The following TMEM132D variants were observed in gnomAD, a reference collection of about 807,000 sequenced individuals.
TMEM132D encodes mature OL transmembrane protein.
Under a neutral mutation model 62.3 loss-of-function variants are expected in TMEM132D, and 21 were observed. The ratio of observed to expected loss-of-function variants is 0.34; its 90% CI spans 0.24 to 0.49. TMEM132D has a LOEUF of 0.49. TMEM132D is among the 20% of genes least tolerant of loss of function. TMEM132D has a pLI of 0.99. For missense variants in TMEM132D, 1,346 were observed against 1,402.8 expected, an observed-to-expected ratio of 0.96 and a Z score of 0.65; for synonymous variants, 621 against 575.6, an observed-to-expected ratio of 1.08 and a Z score of -1.13.
At chr12:129,474,493 A>T (rs144382558) in intron 3 of TMEM132D, among the ~76,000 whole-genome samples, 1,749 of 152,332 alleles carry the variant, frequency 0.011, 42 homozygotes, top group African/African-American at 0.041. Flanking sequence ...GGAAGTTCAC[A>T]ACATCGCAGT....
At chr12:129,839,116 A>ACTTTT (rs1224483461) in intron 1 of TMEM132D, among the ~76,000 whole-genome samples, 1 of 6,450 alleles carries the variant, frequency 1.6e-4, no homozygotes, top group Non-Finnish European at 3.7e-4. Context: ...ACGCCTGGCT[A>ACTTTT]ATTTTTTTTT....
chr12:129,874,561 G>T (rs1593194956), intron 1 of TMEM132D, among the ~76,000 whole-genome samples: 3 of 136,008 alleles, frequency 2.2e-5, no homozygotes, highest in South Asian at 2.7e-4. Flanking sequence ...ACATAATTTT[G>T]TTTGTCAATT....
chr12:129,502,490 C>G (rs1276945804), intron 3 of TMEM132D, among the ~76,000 whole-genome samples: 3 of 152,080 alleles, frequency 2.0e-5, no homozygotes, highest in Admixed American at 6.6e-5. Context: ...ATTATTGACT[C>G]ATGTACATGA....
chr12:129,328,962 C>A (rs1204590651), intron 4 of TMEM132D, among the ~76,000 whole-genome samples: 3 of 148,506 alleles, frequency 2.0e-5, no homozygotes, highest in Non-Finnish European at 4.5e-5. Context: ...AAATTAAATT[C>A]TTTATATATA....
At position 129,700,060 on chromosome 12, in the gene TMEM132D, C is replaced by T. The variant is rs1313552966; in HGVS notation, c.718G>A (p.Val240Ile). ...VHPGGERGDC[V>I]REDARRSNGI... is the part of the protein sequence containing the mutation. ...TTGCTTCTCCTCGCGTCTTCCCTGA[C>T]GCAGTCCCCTCTCTCACCCCCTGGG... is the stretch of plus-strand genomic sequence containing the variant. The change falls in exon 2 of 9, where the codon GTC (valine) becomes ATC (isoleucine). Residue 240 changes from valine to isoleucine, a missense_variant. By Grantham distance (29) the Val-to-Ile change is conservative. Coordinates refer to ENST00000422113, the MANE Select transcript of TMEM132D (RefSeq NM_133448.3). 12 of 1,613,732 alleles carry T rather than the reference C, an allele frequency of 7.4e-6. No homozygotes were observed. The highest frequency in any genetic ancestry group is 6.7e-5 in the African/African-American group (5 of 74,950).
chr12:129,578,971 A>G (rs933882419), intron 2 of TMEM132D, among the ~76,000 whole-genome samples: 2 of 152,186 alleles, frequency 1.3e-5, no homozygotes, highest in African/African-American at 4.8e-5. Flanking sequence ...TGGGCATCCC[A>G]CAGTCCAGTC....
intron 3 of TMEM132D, among the ~76,000 whole-genome samples, chr12:129,512,622 T>C (rs978569383): frequency 2.0e-5 from 3 of 152,246 alleles, no homozygotes; most frequent in Non-Finnish European, 4.4e-5. Flanking sequence ...TCATGAGTTA[T>C]CATCTGATGT....
intron 4 of TMEM132D, among the ~76,000 whole-genome samples, chr12:129,235,690 T>C (rs1593306158): frequency 6.6e-6 from 1 of 152,336 alleles, no homozygotes; most frequent in East Asian, 1.9e-4. Context: ...TGCAGCCATA[T>C]GTCTTCATTT....
intron 1 of TMEM132D, among the ~76,000 whole-genome samples, chr12:129,729,940 A>C (rs1386143104): frequency 2.6e-5 from 4 of 152,084 alleles, no homozygotes; most frequent in African/African-American, 9.7e-5. Flanking sequence ...GCCCTTGTGA[A>C]TGTACTTTGT....
intron 2 of TMEM132D, among the ~76,000 whole-genome samples, chr12:129,552,211 T>C (rs1327840578): frequency 6.6e-6 from 1 of 152,186 alleles, no homozygotes; most frequent in Non-Finnish European, 1.5e-5. Flanking sequence ...AATTGAAGGA[T>C]TGAGTTTGCA....
intron 3 of TMEM132D, among the ~76,000 whole-genome samples, chr12:129,393,911 C>T (rs1001102883): frequency 7.2e-5 from 11 of 152,120 alleles, no homozygotes; most frequent in East Asian, 1.9e-4. Flanking sequence ...CCAGAAACTC[C>T]GCCACTCATC....
intron 1 of TMEM132D, among the ~76,000 whole-genome samples, chr12:129,791,136 C>T (rs1360884577): frequency 1.3e-5 from 2 of 152,144 alleles, no homozygotes; most frequent in Non-Finnish European, 2.9e-5. Context: ...TTGCATAATG[C>T]TGCCCAGCAA....
At chr12:129,294,424 C>G (rs1479937571) in intron 4 of TMEM132D, among the ~76,000 whole-genome samples, 2 of 152,170 alleles carry the variant, frequency 1.3e-5, no homozygotes, top group Admixed American at 1.3e-4. Flanking sequence ...ATCTCACCAT[C>G]ATATATGAAT....
chr12:129,573,690 G>A (rs1317530986), intron 2 of TMEM132D, among the ~76,000 whole-genome samples: 5 of 151,986 alleles, frequency 3.3e-5, no homozygotes, highest in African/African-American at 1.2e-4. Flanking sequence ...ACTAGAAAAA[G>A]CCCACGTGTC....
At chr12:129,107,017 T>G (rs1382097061) in intron 5 of TMEM132D, among the ~76,000 whole-genome samples, 1 of 152,234 alleles carries the variant, frequency 6.6e-6, no homozygotes, top group Non-Finnish European at 1.5e-5. Flanking sequence ...CTAATTGAGA[T>G]GGCAGGCAAG....
chr12:129,089,305 G>C lies in TMEM132D; in HGVS notation c.1444-4603C>G, dbSNP rs1373875154. On this transcript the variant is annotated intron_variant, in intron 5 of 8. Coordinates refer to ENST00000422113, the MANE Select transcript of TMEM132D (RefSeq NM_133448.3). Reference sequence around the variant, plus strand: ...ATGACCGGGTGTCCTCTATGACCGGGTGTCCTCCATGACCGGGTGTCCTCC... The same window carrying C: ...ATGACCGGGTGTCCTCTATGACCGGCTGTCCTCCATGACCGGGTGTCCTCC... Among the ~76,000 whole-genome samples the C allele has an allele frequency of 1.0e-4, 5 of 48,052 alleles. 2 individuals carry two copies. The highest frequency in any genetic ancestry group is 6.3e-4 in the African/African-American group (4 of 6,332). 31.5% of individuals were successfully genotyped at this position (48,052 alleles called of 152,430 possible).
At chr12:129,338,109 T>C (rs577296709) in intron 3 of TMEM132D, among the ~76,000 whole-genome samples, 9 of 152,300 alleles carry the variant, frequency 5.9e-5, no homozygotes, top group African/African-American at 1.7e-4. Context: ...TTATGGGAAA[T>C]AGTGATTGCA....
intron 5 of TMEM132D, among the ~76,000 whole-genome samples, chr12:129,150,488 T>C (rs1565979367): frequency 6.6e-6 from 1 of 152,238 alleles, no homozygotes; most frequent in Non-Finnish European, 1.5e-5. Context: ...GTACATTATT[T>C]CATGTAGTCT....
intron 5 of TMEM132D, among the ~76,000 whole-genome samples, chr12:129,201,204 G>A (rs1191874551): frequency 6.6e-6 from 1 of 152,334 alleles, no homozygotes; most frequent in East Asian, 1.9e-4. Context: ...GAGTCTGTAA[G>A]TTGCAACAAC....
Sources: gnomAD v4.1 joint callset for allele counts (sites outside exome capture counted in the v4.1 genomes callset) on GRCh38, gnomAD v4.1.1 for gene constraint, MANE v1.5 for transcripts, NCBI Gene and HGNC (gene_info 2026-07-23, HGNC 2026-07-21) for gene names.